TNNT3: variants seen among roughly 807,000 people sequenced by gnomAD.
TNNT3 encodes the protein troponin T3, fast skeletal type.
TNNT3 carries 36 observed loss-of-function variants against 54.2 expected under a neutral mutation model. That is an observed-to-expected ratio of 0.66 (90% CI 0.51 to 0.88). TNNT3 has a LOEUF of 0.88. TNNT3 is among the 40% of genes least tolerant of loss of function. The pLI is 0.00. For synonymous variants in TNNT3, 120 were observed against 109.7 expected (o/e 1.09, Z -0.59); for missense variants, 291 against 331.6 (o/e 0.88, Z 0.95).
Position 1,925,091 on chromosome 11 carries a change from G to A in TNNT3, c.50-8G>A, listed in dbSNP as rs1253268773. ...CCTTCTCCTGCTCCTGGCTTCTCCG[G>A]CTCTCAGAGGAAGCCCAGGAGGAAG... On this transcript the variant is annotated splice_polypyrimidine_tract_variant and splice_region_variant and intron_variant, in intron 4 of 15. Transcript: ENST00000278317. 1 of 1,612,588 alleles carries A rather than the reference G, an allele frequency of 6.2e-7. No individual in the cohort carries two copies. The highest frequency in any genetic ancestry group is 8.5e-7 in the Non-Finnish European group (1 of 1,179,888).
chr11:1,923,323 G>A (rs1375608700), intron 3 of TNNT3, among the ~76,000 whole-genome samples: 1 of 152,010 alleles, frequency 6.6e-6, no homozygotes, highest in East Asian at 1.9e-4. Flanking sequence ...CATGCCCACT[G>A]TGGGACGTGG....
chr11:1,926,705 A>G lies in TNNT3; in HGVS notation c.78A>G (p.Gln26=). Residue 26 remains glutamine, a synonymous_variant, in exon 6 of 16, where the codon CAA becomes CAG. Coordinates refer to ENST00000278317, the MANE Select transcript of TNNT3 (RefSeq NM_006757.4). ...EEEAQEEEEV[Q]EDTAEEDAEE... ...ACGCTGCTTCTGCAGAGGAAGTTCA[A>G]GAAGGTACGCCGGCGCTCCCCCGCC... The G allele has an allele frequency of 6.2e-7, 1 of 1,613,298 alleles. No individual in the cohort carries two copies. The highest frequency in any genetic ancestry group is 8.5e-7 in the Non-Finnish European group (1 of 1,180,010).
At chr11:1,938,042 AT>A (rs1855673488) in intron 15 of TNNT3, among the ~76,000 whole-genome samples, 1 of 152,232 alleles carries the variant, frequency 6.6e-6, no homozygotes, top group South Asian at 2.1e-4. Context: ...CCTCAGACAA[AT>A]GGGGCAGGCT....
At chr11:1,932,690 T>A (rs1295677783) in intron 9 of TNNT3, among the ~76,000 whole-genome samples, 176 bp downstream of exon 9, 1 of 151,956 alleles carries the variant, frequency 6.6e-6, no homozygotes, top group African/African-American at 2.4e-5. Flanking sequence ...AGAATAAGCA[T>A]CTCTCTTCCC....
intron 4 of TNNT3, chr11:1,924,887 C>T (rs1261978563): frequency 3.0e-6 from 2 of 662,180 alleles, no homozygotes; most frequent in East Asian, 5.4e-5. Flanking sequence ...TGACAGTGAC[C>T]AGCTCTGCTG....
chr11:1,933,026 A>G (rs1853873946), intron 9 of TNNT3, among the ~76,000 whole-genome samples: 2 of 150,454 alleles, frequency 1.3e-5, no homozygotes, highest in South Asian at 4.2e-4. Context: ...CCACCCATCC[A>G]TCCATCCATT....
intron 8 of TNNT3, among the ~76,000 whole-genome samples, chr11:1,930,734 C>T (rs955903689): frequency 6.6e-6 from 1 of 152,180 alleles, no homozygotes; most frequent in East Asian, 1.9e-4. Flanking sequence ...CTGAAGGGTA[C>T]AGCCGGCGTA....
chr11:1,937,033 C>T (rs1249831634), intron 15 of TNNT3, 30 bp downstream of exon 15: 1 of 1,573,430 alleles, frequency 6.4e-7, no homozygotes, highest in South Asian at 1.2e-5. Flanking sequence ...TCGCTCCGCA[C>T]TGGGCACAGG....
At chr11:1,929,214 C>T in intron 7 of TNNT3, 71 bp downstream of exon 7, 1 of 1,563,006 alleles carries the variant, frequency 6.4e-7, no homozygotes, top group Non-Finnish European at 8.8e-7. Context: ...AGAGGACAGG[C>T]TGGGGTCTCT....
intron 15 of TNNT3, 21 bp downstream of exon 15, chr11:1,937,024 C>T (rs1239612528): frequency 1.6e-5 from 25 of 1,582,438 alleles, no homozygotes; most frequent in Non-Finnish European, 2.1e-5. Flanking sequence ...CTGCCGTCCT[C>T]GCTCCGCACT....
chr11:1,925,345 G>A (rs1418782655), intron 5 of TNNT3: 1 of 1,513,318 alleles, frequency 6.6e-7, no homozygotes, highest in Non-Finnish European at 9.0e-7. Context: ...TGTGGGGGTG[G>A]GGGAGAGGGG....
At chr11:1,928,637 T>G (rs1341405295) in intron 6 of TNNT3, among the ~76,000 whole-genome samples, 1 of 152,002 alleles carries the variant, frequency 6.6e-6, no homozygotes, top group Non-Finnish European at 1.5e-5. Context: ...CTGTAGTCAT[T>G]CCATGAACTG....
Position 1,934,141 on chromosome 11 carries a change from C to A in TNNT3, c.366+133C>A, listed in dbSNP as rs1473152539. 4 of 1,161,020 alleles carry A rather than the reference C, an allele frequency of 3.4e-6. No individual in the cohort carries two copies. In the Admixed American group the frequency reaches 7.9e-5, roughly 23 times the overall value. The allele number at this position is 1,161,020 out of a possible 1,614,324, so 71.9% of individuals were successfully genotyped here. A position where few individuals can be genotyped will look rare whatever the true frequency, so the allele number is the denominator to read the frequency against. On this transcript the variant is annotated intron_variant, in intron 11 of 15. Coordinates refer to ENST00000278317, the MANE Select transcript of TNNT3 (RefSeq NM_006757.4). ...CAATGATCAGAACCACTGGCTAAGG[C>A]CCCGGCGCCCTGCAGAACCCCTTGC...
chr11:1,936,912 C>T (rs369570892), intron 14 of TNNT3, 51 bp from the exon 15 acceptor site: 18 of 1,566,354 alleles, frequency 1.1e-5, no homozygotes, highest in African/African-American at 8.1e-5. Context: ...ACCCAGTACA[C>T]GCAGGCCTGG....
intron 1 of TNNT3, among the ~76,000 whole-genome samples, chr11:1,920,497 G>C (rs901420721): frequency 7.1e-5 from 7 of 98,072 alleles, no homozygotes; most frequent in Non-Finnish European, 9.5e-5. Context: ...CCCTGGACAC[G>C]GTCCCCCTGA....
intron 1 of TNNT3, 24 bp from the exon 2 acceptor site, chr11:1,922,833 C>T (rs1464516851): frequency 1.9e-6 from 3 of 1,606,954 alleles, no homozygotes; most frequent in Non-Finnish European, 2.6e-6. Context: ...CTCTCTCTCT[C>T]TCTCTCTGAA....
chr11:1,920,388 G>T (rs969809086), intron 1 of TNNT3, among the ~76,000 whole-genome samples: 1 of 152,158 alleles, frequency 6.6e-6, no homozygotes, highest in African/African-American at 2.4e-5. Flanking sequence ...CTGGACTGGG[G>T]CAGGACGGGG....
intron 15 of TNNT3, 36 bp from the exon 16 acceptor site, chr11:1,938,402 C>T: frequency 1.2e-6 from 2 of 1,611,474 alleles, no homozygotes; most frequent in Non-Finnish European, 1.7e-6. Flanking sequence ...GGCCAGAGGC[C>T]CTGACCCTGA....
chr11:1,935,129 T>A, intron 14 of TNNT3: 1 of 646,074 alleles, frequency 1.5e-6, no homozygotes, highest in South Asian at 1.7e-5. Context: ...TGGCTGGCCA[T>A]GCAGCGCCCT....
Sources: gnomAD v4.1 joint callset for allele counts (sites outside exome capture counted in the v4.1 genomes callset) on GRCh38, gnomAD v4.1.1 for gene constraint, MANE v1.5 for transcripts, NCBI Gene and HGNC (gene_info 2026-07-23, HGNC 2026-07-21) for gene names.